AHI1: variants seen among roughly 807,000 people sequenced by gnomAD.
AHI1 encodes jouberin.
A neutral mutation model predicts 149.3 loss-of-function variants in AHI1; 123 were observed. The ratio of observed to expected loss-of-function variants is 0.82; its 90% CI spans 0.71 to 0.96. AHI1 has a LOEUF of 0.96. Among genes scored for constraint, AHI1 ranks in the 40% least tolerant of loss-of-function variants. The probability of loss-of-function intolerance (pLI) is 0.00; values close to 1 mark genes in which losing one functional copy is unlikely to be tolerated. For synonymous variants in AHI1, 475 were observed against 459.8 expected (o/e 1.03, Z -0.42); for missense variants, 1,439 against 1,422.7 (o/e 1.01, Z -0.18).
At chr6:135,388,154 C>A in intron 23 of AHI1, 1 of 1,069,428 alleles carries the variant, frequency 9.4e-7, no homozygotes. Flanking sequence ...TGTAGATTAC[C>A]TATTAATCTA....
chr6:135,493,706 A>C (rs1406902489), intron 3 of AHI1, among the ~76,000 whole-genome samples: 1 of 152,230 alleles, frequency 6.6e-6, no homozygotes, highest in Non-Finnish European at 1.5e-5. Flanking sequence ...TGGTCATCTA[A>C]TAGGCCAGGA....
rs567187720 is a variant in AHI1 at position 135,411,488 on chromosome 6, C to T, written c.2821G>A (p.Gly941Arg). 6.2e-7 allele frequency: 1 copy of T among 1,611,510 alleles called. No homozygotes were observed. The highest frequency in any genetic ancestry group is 1.3e-5 in the African/African-American group (1 of 74,924). The change falls in exon 21 of 29, where the codon GGA (glycine) becomes AGA (arginine). Residue 941 changes from glycine (G) to arginine (R), a missense_variant. Gly to Arg is a moderately radical substitution (Grantham distance 125). Coordinates refer to ENST00000265602, the MANE Select transcript of AHI1 (RefSeq NM_001134831.2). ...AGGGCATCTTGACTTTGGTGTATTC[C>T]AGGTAATGGAAATGTTCCATTGTAG... ...KRYNGTFPLP[G>R]IHQSQDALCT...
At chr6:135,354,184 A>C (rs1271660929) in intron 24 of AHI1, among the ~76,000 whole-genome samples, 2 of 152,144 alleles carry the variant, frequency 1.3e-5, no homozygotes, top group Non-Finnish European at 2.9e-5. Flanking sequence ...TACCGGGGTT[A>C]CAGGGTCACT....
At chr6:135,354,809 A>G (rs931929142) in intron 24 of AHI1, among the ~76,000 whole-genome samples, 1 of 152,210 alleles carries the variant, frequency 6.6e-6, no homozygotes, top group Non-Finnish European at 1.5e-5. Flanking sequence ...CAGTGTCTGA[A>G]TGAATATCAT....
chr6:135,322,311 C>T (rs1370216509), intron 25 of AHI1, among the ~76,000 whole-genome samples: 1 of 152,168 alleles, frequency 6.6e-6, no homozygotes, highest in South Asian at 2.1e-4. Context: ...GGATAGAATG[C>T]ATTCTTCTCA....
At chr6:135,386,180 T>C (rs1777547444) in intron 23 of AHI1, among the ~76,000 whole-genome samples, 1 of 152,086 alleles carries the variant, frequency 6.6e-6, no homozygotes, top group South Asian at 2.1e-4. Context: ...TGTTAATTCC[T>C]AATCTGAAGT....
intron 5 of AHI1, among the ~76,000 whole-genome samples, chr6:135,486,375 C>T (rs543181529): frequency 6.6e-6 from 1 of 152,154 alleles, no homozygotes; most frequent in African/African-American, 2.4e-5. Context: ...CACATGAACA[C>T]CAATGTTCTA....
intron 26 of AHI1, among the ~76,000 whole-genome samples, chr6:135,308,044 G>A (rs1784726415): frequency 6.6e-6 from 1 of 152,140 alleles, no homozygotes; most frequent in African/African-American, 2.4e-5. Flanking sequence ...TAGGGTGACG[G>A]AGAACTTCCA....
intron 26 of AHI1, among the ~76,000 whole-genome samples, chr6:135,317,515 C>T (rs1301058860): frequency 1.3e-5 from 2 of 150,216 alleles, no homozygotes; most frequent in East Asian, 1.9e-4. Flanking sequence ...CATGGACTCC[C>T]CCAGGGTATA....
chr6:135,358,721 T>A (rs1793386117), intron 23 of AHI1, among the ~76,000 whole-genome samples: 1 of 152,242 alleles, frequency 6.6e-6, no homozygotes, highest in Non-Finnish European at 1.5e-5. Context: ...TCCTTTAAAA[T>A]GATAACACAG....
intron 3 of AHI1, among the ~76,000 whole-genome samples, chr6:135,494,864 A>C (rs1424326140): frequency 1.3e-5 from 2 of 152,168 alleles, no homozygotes; most frequent in Non-Finnish European, 2.9e-5. Context: ...TTTAAAGGAG[A>C]TGTTGCCTAT....
intron 20 of AHI1, among the ~76,000 whole-genome samples, chr6:135,416,756 T>C (rs1782442288): frequency 6.6e-6 from 1 of 152,042 alleles, no homozygotes; most frequent in Admixed American, 6.6e-5. Flanking sequence ...CATGTACTAT[T>C]TCATTCAGGC....
intron 23 of AHI1, among the ~76,000 whole-genome samples, chr6:135,374,665 A>C (rs1007451307): frequency 2.0e-5 from 3 of 152,230 alleles, no homozygotes; most frequent in Admixed American, 2.0e-4. Flanking sequence ...ACAATGAAAG[A>C]GAATATTTCA....
intron 26 of AHI1, chr6:135,301,652 AAAC>A: frequency 1.0e-6 from 1 of 985,482 alleles, no homozygotes; most frequent in Non-Finnish European, 1.2e-6. Flanking sequence ...AGCATAATAA[AAAC>A]AAGAATTAAA....
chr6:135,323,303 T>C lies in AHI1; in HGVS notation c.3187A>G (p.Thr1063Ala). ...APTVVALYDYTANRSDELTIH... is the reference protein window; with the variant it reads ...APTVVALYDYAANRSDELTIH... ...GTTAGTTCATCTGATCGATTCGCTG[T>C]GTAGTCATAAAGAGCCACTACCTAA... The change falls in exon 25 of 29, where the codon ACA becomes GCA. Residue 1063 changes from threonine (T) to alanine (A), a missense_variant. By Grantham distance (58) the Thr-to-Ala change is moderately conservative. Transcript: ENST00000265602. The C allele has an allele frequency of 6.2e-7, 1 of 1,613,676 alleles. No homozygotes were observed. The highest frequency in any genetic ancestry group is 1.1e-5 in the South Asian group (1 of 90,948).
At chr6:135,290,671 A>AAAGTCACT in intron 27 of AHI1, 146 bp from the exon 28 acceptor site, 1 of 730,594 alleles carries the variant, frequency 1.4e-6, no homozygotes, top group Non-Finnish European at 2.3e-6. Context: ...ATCCGGCAGA[A>AAAGTCACT]CTAATGAGTA....
At chr6:135,474,846 T>C (rs939965465) in intron 5 of AHI1, among the ~76,000 whole-genome samples, 1 of 152,232 alleles carries the variant, frequency 6.6e-6, no homozygotes. Flanking sequence ...TTGCCATCTA[T>C]ATTTAAAAGG....
chr6:135,417,737 G>T (rs1782586594), intron 20 of AHI1, among the ~76,000 whole-genome samples: 1 of 151,732 alleles, frequency 6.6e-6, no homozygotes, highest in Admixed American at 6.6e-5. Context: ...AACACCTTTA[G>T]TTCTGTGAAG....
intron 17 of AHI1, 110 bp downstream of exon 17, chr6:135,431,097 AT>A: frequency 1.5e-6 from 1 of 679,380 alleles, no homozygotes; most frequent in Non-Finnish European, 2.4e-6. Flanking sequence ...AAAACTGTTA[AT>A]TTTTTGAAAT....
Sources: allele counts gnomAD v4.1 joint callset (sites outside exome capture counted in the v4.1 genomes callset), GRCh38; gene constraint gnomAD v4.1.1; transcripts MANE v1.5; gene names NCBI Gene and HGNC (gene_info 2026-07-23, HGNC 2026-07-21).